The following RHOBTB2 variants were observed in gnomAD, a reference collection of about 807,000 sequenced individuals.
The protein encoded by RHOBTB2 is rho-related BTB domain-containing protein 2.
A neutral mutation model predicts 66.5 loss-of-function variants in RHOBTB2; 39 were observed. The ratio of observed to expected loss-of-function variants is 0.59; its 90% CI spans 0.45 to 0.77. The LOEUF (loss-of-function observed/expected upper bound fraction) is 0.77, where lower values mean the gene tolerates loss of function less well. RHOBTB2 is among the 30% of genes least tolerant of loss of function. The pLI, the probability that RHOBTB2 is intolerant of heterozygous loss-of-function variation, is 0.00. For synonymous variants in RHOBTB2, 390 were observed against 395.0 expected, an observed-to-expected ratio of 0.99 and a Z score of 0.15; for missense variants, 755 against 999.1, an observed-to-expected ratio of 0.76 and a Z score of 3.29.
At chr8:22,992,587 C>G (rs1397723272) in intron 2 of RHOBTB2, among the ~76,000 whole-genome samples, 7 of 152,248 alleles carry the variant, frequency 4.6e-5, no homozygotes, top group Non-Finnish European at 8.8e-5. Context: ...CAGGATCTAG[C>G]TTCTTTCTGC....
At chr8:22,997,862 G>A (rs547162374), upstream of RHOBTB2, among the ~76,000 whole-genome samples, 21 of 152,310 alleles carry the variant, frequency 1.4e-4, no homozygotes, top group South Asian at 1.0e-3. Flanking sequence ...CTCTGGCGCA[G>A]GGGCTCTTTG....
chr8:22,961,785 C>T, the RHOBTB2 span, among the ~76,000 whole-genome samples: 1 of 152,140 alleles, frequency 6.6e-6, no homozygotes, highest in South Asian at 2.1e-4. Context: ...GACGTGATTT[C>T]CTTTCTGCTT....
chr8:23,008,520 T>C (rs1489773761), intron 6 of RHOBTB2, among the ~76,000 whole-genome samples: 1 of 152,198 alleles, frequency 6.6e-6, no homozygotes, highest in East Asian at 1.9e-4. Flanking sequence ...CCTGACACAC[T>C]TGAAACAACT....
chr8:22,973,395 A>G, the RHOBTB2 span, among the ~76,000 whole-genome samples: 1 of 151,720 alleles, frequency 6.6e-6, no homozygotes, highest in African/African-American at 2.4e-5. Flanking sequence ...TACAGGACTA[A>G]TTTTTTTTAT....
the RHOBTB2 span, among the ~76,000 whole-genome samples, chr8:22,959,544 A>ATGC: frequency 6.6e-6 from 1 of 152,100 alleles, no homozygotes; most frequent in Non-Finnish European, 1.5e-5. Flanking sequence ...ATGAGTCACC[A>ATGC]TGCCTGGCCT....
At chr8:22,982,377 T>C in the RHOBTB2 span, among the ~76,000 whole-genome samples, 1 of 152,148 alleles carries the variant, frequency 6.6e-6, no homozygotes, top group African/African-American at 2.4e-5. Context: ...TCCCAGCACT[T>C]TGGGGAGGCC....
intron 1 of RHOBTB2, among the ~76,000 whole-genome samples, chr8:22,989,093 C>T (rs147762221): frequency 1.1e-4 from 17 of 152,332 alleles, no homozygotes; most frequent in African/African-American, 4.1e-4. Flanking sequence ...TATCAATACA[C>T]GCATACTTTC....
chr8:22,962,742 A>C, the RHOBTB2 span, among the ~76,000 whole-genome samples: 1,379 of 152,334 alleles, frequency 9.1e-3, 17 homozygotes, highest in African/African-American at 0.031. Context: ...AGTGCTCAGC[A>C]ACCTGACTGT....
chr8:22,982,013 C>T, the RHOBTB2 span, among the ~76,000 whole-genome samples: 24 of 152,286 alleles, frequency 1.6e-4, no homozygotes, highest in South Asian at 3.5e-3. Context: ...TGGTGGTGAC[C>T]GTTACCAGAG....
At position 23,014,677 on chromosome 8, in the gene RHOBTB2, G is replaced by C; in HGVS notation, c.1772-13G>C. 1 of 1,611,520 alleles carries C rather than the reference G, an allele frequency of 6.2e-7. No homozygotes were observed. Among genetic ancestry groups the C allele is most frequent in the Non-Finnish European group, 8.5e-7 (1 of 1,177,760 alleles). Reference sequence around the variant, plus strand: ...GTGCTTCTTCAGCTGATTGGTGGCCGTGTGTGTTACAGAGCAGTACACAGT... The same window carrying C: ...GTGCTTCTTCAGCTGATTGGTGGCCCTGTGTGTTACAGAGCAGTACACAGT... On this transcript the variant is annotated splice_polypyrimidine_tract_variant and intron_variant, in intron 7 of 9. Coordinates refer to ENST00000251822, the MANE Select transcript of RHOBTB2 (RefSeq NM_015178.3).
intron 7 of RHOBTB2, among the ~76,000 whole-genome samples, chr8:23,011,691 C>T (rs1382876917): frequency 6.6e-6 from 1 of 152,168 alleles, no homozygotes; most frequent in East Asian, 1.9e-4. Context: ...GGCAGGCAGA[C>T]GGCTCTCGTT....
chr8:22,972,292 C>T, the RHOBTB2 span, among the ~76,000 whole-genome samples: 1 of 152,240 alleles, frequency 6.6e-6, no homozygotes, highest in South Asian at 2.1e-4. Flanking sequence ...ATTAACATAA[C>T]CTGGCCCAAA....
chr8:22,992,600 C>A (rs1810452161), intron 2 of RHOBTB2, among the ~76,000 whole-genome samples: 2 of 152,230 alleles, frequency 1.3e-5, no homozygotes, highest in Admixed American at 6.5e-5. Flanking sequence ...CTTTCTGCTG[C>A]AGACCTGCTT....
the RHOBTB2 span, among the ~76,000 whole-genome samples, chr8:22,967,825 G>A: frequency 2.6e-5 from 4 of 151,896 alleles, no homozygotes; most frequent in Non-Finnish European, 5.9e-5. Context: ...CAATGCGAAT[G>A]TGTAGTACTT....
At chr8:22,959,186 C>T in the RHOBTB2 span, among the ~76,000 whole-genome samples, 1 of 152,218 alleles carries the variant, frequency 6.6e-6, no homozygotes, top group Admixed American at 6.5e-5. Flanking sequence ...ACTACCCCAG[C>T]CACAGACCCA....
chr8:22,952,149 T>G, the RHOBTB2 span, among the ~76,000 whole-genome samples: 1 of 152,162 alleles, frequency 6.6e-6, no homozygotes, highest in Non-Finnish European at 1.5e-5. Context: ...GCTGACCCAC[T>G]GGGAGAGACA....
chr8:22,972,085 C>A, the RHOBTB2 span, among the ~76,000 whole-genome samples: 2 of 152,178 alleles, frequency 1.3e-5, no homozygotes, highest in African/African-American at 2.4e-5. Context: ...CCACCCAGGA[C>A]CCCAGCCCAG....
At chr8:22,960,737 A>AT in the RHOBTB2 span, among the ~76,000 whole-genome samples, 1 of 152,230 alleles carries the variant, frequency 6.6e-6, no homozygotes, top group Non-Finnish European at 1.5e-5. Flanking sequence ...AATCAGTGTC[A>AT]TTTTTAGTGT....
intron 3 of RHOBTB2, 39 bp from the exon 4 acceptor site, chr8:23,005,921 C>G: frequency 6.3e-7 from 1 of 1,584,334 alleles, no homozygotes; most frequent in Non-Finnish European, 8.6e-7. Flanking sequence ...TAAGCTACCA[C>G]TTGTTTCTCT....
Sources: gnomAD v4.1 joint callset for allele counts (sites outside exome capture counted in the v4.1 genomes callset) on GRCh38, gnomAD v4.1.1 for gene constraint, MANE v1.5 for transcripts, NCBI Gene and HGNC (gene_info 2026-07-23, HGNC 2026-07-21) for gene names.